SPECC1: variants seen among roughly 807,000 people sequenced by gnomAD.
The protein encoded by SPECC1 is cytospin-B.
A neutral mutation model predicts 104.1 loss-of-function variants in SPECC1; 62 were observed. That is an observed-to-expected ratio of 0.60 (90% CI 0.49 to 0.74). The LOEUF (loss-of-function observed/expected upper bound fraction) is 0.74. Among genes scored for constraint, SPECC1 ranks in the 30% least tolerant of loss-of-function variants. The probability of loss-of-function intolerance (pLI) is 0.00; values close to 1 mark genes in which losing one functional copy is unlikely to be tolerated. For missense variants in SPECC1, 1,306 were observed against 1,310.5 expected, an observed-to-expected ratio of 1.00 and a Z score of 0.05; for synonymous variants, 513 against 501.6, an observed-to-expected ratio of 1.02 and a Z score of -0.30.
intron 4 of SPECC1, among the ~76,000 whole-genome samples, chr17:20,206,176 A>G (rs986924778): frequency 2.0e-5 from 3 of 152,194 alleles, no homozygotes; most frequent in Non-Finnish European, 2.9e-5. Context: ...ATAAAAGAAT[A>G]TCATACAGCC....
chr17:20,072,005 A>G (rs1338282046), intron 1 of SPECC1, among the ~76,000 whole-genome samples: 1 of 152,102 alleles, frequency 6.6e-6, no homozygotes, highest in African/African-American at 2.4e-5. Flanking sequence ...CTTTTCCCAT[A>G]ACTAGTGGAG....
chr17:20,244,318 C>T (rs2039330865), intron 7 of SPECC1, among the ~76,000 whole-genome samples: 1 of 152,172 alleles, frequency 6.6e-6, no homozygotes, highest in Admixed American at 6.5e-5. Context: ...CTGCTCAAAC[C>T]TAACCTGATT....
At chr17:20,200,534 C>T (rs889786138) in intron 3 of SPECC1, among the ~76,000 whole-genome samples, 3 of 152,164 alleles carry the variant, frequency 2.0e-5, no homozygotes, top group Non-Finnish European at 1.5e-5. Flanking sequence ...TGAGCCAATC[C>T]CTGTTCCACT....
chr17:20,303,075 T>TTATA (rs956728509), intron 13 of SPECC1, among the ~76,000 whole-genome samples: 2 of 152,070 alleles, frequency 1.3e-5, no homozygotes, highest in Admixed American at 6.6e-5. Context: ...AAATAGCCAC[T>TTATA]TATACACTAT....
chr17:20,251,987 G>A (rs1293519949), intron 9 of SPECC1, among the ~76,000 whole-genome samples: 3 of 152,162 alleles, frequency 2.0e-5, no homozygotes, highest in Non-Finnish European at 2.9e-5. Flanking sequence ...AAGATGGTGG[G>A]TGATGGTGGG....
intron 3 of SPECC1, among the ~76,000 whole-genome samples, chr17:20,147,290 C>T (rs113594202): frequency 0.057 from 8,622 of 152,024 alleles, 309 homozygotes; most frequent in Non-Finnish European, 0.08. Context: ...AGGCTGGTCT[C>T]GATCTCACAA....
intron 3 of SPECC1, among the ~76,000 whole-genome samples, chr17:20,152,987 A>G (rs1445135712): frequency 3.3e-5 from 5 of 152,172 alleles, no homozygotes; most frequent in African/African-American, 7.2e-5. Flanking sequence ...AAGGCCACCT[A>G]TCCTGCTAGA....
At chr17:20,296,262 A>G (rs1378331837) in intron 12 of SPECC1, among the ~76,000 whole-genome samples, 1 of 152,206 alleles carries the variant, frequency 6.6e-6, no homozygotes, top group African/African-American at 2.4e-5. Flanking sequence ...TCCCAGCACC[A>G]TTTATTAAAT....
At chr17:20,217,743 T>A (rs1222259815) in intron 4 of SPECC1, among the ~76,000 whole-genome samples, 1 of 151,956 alleles carries the variant, frequency 6.6e-6, no homozygotes. Context: ...ATGCATTACT[T>A]CTTTTCTCCT....
At chr17:20,181,916 T>C (rs887277332) in intron 3 of SPECC1, among the ~76,000 whole-genome samples, 23 of 152,246 alleles carry the variant, frequency 1.5e-4, no homozygotes, top group African/African-American at 2.4e-4. Context: ...TGGGTAGATA[T>C]AATGTTATAA....
At chr17:20,271,717 T>G (rs979943757) in intron 12 of SPECC1, among the ~76,000 whole-genome samples, 2 of 152,090 alleles carry the variant, frequency 1.3e-5, no homozygotes, top group African/African-American at 4.8e-5. Flanking sequence ...TGCCTCTCTC[T>G]TTTTTGATCT....
chr17:20,066,222 T>C (rs940104318), intron 1 of SPECC1, among the ~76,000 whole-genome samples: 3 of 152,224 alleles, frequency 2.0e-5, no homozygotes, highest in African/African-American at 7.2e-5. Context: ...AGGACTCTTA[T>C]TCTAACAGCC....
At chr17:20,138,359 G>A (rs555833731) in intron 3 of SPECC1, among the ~76,000 whole-genome samples, 1 of 152,220 alleles carries the variant, frequency 6.6e-6, no homozygotes, top group South Asian at 2.1e-4. Context: ...GTGGTACATT[G>A]ACATGACAGA....
Position 20,318,450 on chromosome 17 carries a change from A to T in SPECC1, c.*4385A>T, listed in dbSNP as rs557911639. On this transcript the variant is annotated 3_prime_UTR_variant, in exon 15 of 15. Transcript: ENST00000395527. ...AGATGCAGGTGGGTGTTAGATAAAA[A>T]CACACATCCCCAGGGGACAAGCCAT... The T allele has an allele frequency of 4.3e-6, 1 of 231,624 alleles. No homozygotes were observed. Among genetic ancestry groups the T allele is most frequent in the African/African-American group, 2.2e-5 (1 of 45,350 alleles). The allele number at this position is 231,624 out of a possible 1,614,324, so 14.3% of individuals were successfully genotyped here. A position where few individuals can be genotyped will look rare whatever the true frequency, so the allele number is the denominator to read the frequency against.
chr17:20,287,699 G>A (rs1372109850), intron 12 of SPECC1, among the ~76,000 whole-genome samples: 1 of 151,968 alleles, frequency 6.6e-6, no homozygotes, highest in East Asian at 1.9e-4. Flanking sequence ...ACAGGGCTCT[G>A]CAGGTTGCTG....
intron 4 of SPECC1, among the ~76,000 whole-genome samples, chr17:20,213,426 C>T (rs1240224906): frequency 1.3e-5 from 2 of 152,120 alleles, no homozygotes; most frequent in Non-Finnish European, 2.9e-5. Flanking sequence ...TAGACTGCTG[C>T]CCAGTTACCT....
chr17:20,235,211 G>A (rs1280660773), intron 7 of SPECC1, among the ~76,000 whole-genome samples: 1 of 152,192 alleles, frequency 6.6e-6, no homozygotes, highest in Non-Finnish European at 1.5e-5. Context: ...CTGGTGCAAT[G>A]CCTTGAACCT....
intron 10 of SPECC1, among the ~76,000 whole-genome samples, chr17:20,254,950 T>C (rs759049234): frequency 6.6e-6 from 1 of 152,190 alleles, no homozygotes; most frequent in Non-Finnish European, 1.5e-5. Flanking sequence ...AATTTGAAGA[T>C]GATCTGAGCC....
At chr17:20,227,282 T>C in intron 4 of SPECC1, 131 bp from the exon 5 acceptor site, 2 of 751,884 alleles carry the variant, frequency 2.7e-6, no homozygotes, top group East Asian at 2.8e-5. Flanking sequence ...TTATTTTAGA[T>C]TGAAGAGGTT....
Sources: gnomAD v4.1 joint callset for allele counts (sites outside exome capture counted in the v4.1 genomes callset) on GRCh38, gnomAD v4.1.1 for gene constraint, MANE v1.5 for transcripts, NCBI Gene and HGNC (gene_info 2026-07-23, HGNC 2026-07-21) for gene names.